Variants in CLVS2 observed in about 807,000 individuals in gnomAD.
CLVS2 encodes clavesin-2.
In CLVS2, 19 loss-of-function variants were observed where a neutral mutation model predicts 29.0. The ratio of observed to expected loss-of-function variants is 0.66; its 90% CI spans 0.46 to 0.96. The LOEUF (loss-of-function observed/expected upper bound fraction) is 0.96. Ranked by LOEUF, CLVS2 falls within the 40% of genes least tolerant of loss-of-function variation. The pLI is 0.00. For synonymous variants in CLVS2, 161 were observed against 151.3 expected, an observed-to-expected ratio of 1.06 and a Z score of -0.47; for missense variants, 294 against 404.1, an observed-to-expected ratio of 0.73 and a Z score of 2.34.
intron 3 of CLVS2, among the ~76,000 whole-genome samples, chr6:123,037,279 C>T (rs960568246): frequency 1.3e-5 from 2 of 152,104 alleles, no homozygotes; most frequent in Non-Finnish European, 2.9e-5. Context: ...CTCCCACATC[C>T]CCTCTGTATA....
At chr6:123,019,719 C>A (rs1016021140) in intron 3 of CLVS2, among the ~76,000 whole-genome samples, 2 of 151,988 alleles carry the variant, frequency 1.3e-5, no homozygotes, top group African/African-American at 4.8e-5. Flanking sequence ...AGAAATAGAA[C>A]AAATATATAA....
At chr6:123,041,887 T>C (rs1273885420) in intron 3 of CLVS2, among the ~76,000 whole-genome samples, 4 of 152,158 alleles carry the variant, frequency 2.6e-5, no homozygotes, top group African/African-American at 9.7e-5. Context: ...TACATTCTAG[T>C]GCATATTTGG....
At chr6:123,061,565 T>A (rs1051560750) in intron 5 of CLVS2, among the ~76,000 whole-genome samples, 3 of 152,252 alleles carry the variant, frequency 2.0e-5, no homozygotes, top group African/African-American at 7.2e-5. Context: ...GTTTCACATA[T>A]GGAATCAGCA....
At chr6:123,009,180 C>T (rs1424083914) in intron 2 of CLVS2, among the ~76,000 whole-genome samples, 1 of 151,872 alleles carries the variant, frequency 6.6e-6, no homozygotes, top group Non-Finnish European at 1.5e-5. Context: ...CTGGTGCTGC[C>T]CTCAGTCCTC....
chr6:123,036,680 C>T (rs1427648643), intron 3 of CLVS2, among the ~76,000 whole-genome samples: 2 of 152,198 alleles, frequency 1.3e-5, no homozygotes, highest in Non-Finnish European at 1.5e-5. Context: ...AGTTCCTCAT[C>T]AGCACTTTCA....
chr6:123,006,775 A>G (rs1009331226), intron 2 of CLVS2, among the ~76,000 whole-genome samples: 2 of 152,202 alleles, frequency 1.3e-5, no homozygotes. Flanking sequence ...AGGATGTTGC[A>G]CAGGACTGAC....
intron 5 of CLVS2, among the ~76,000 whole-genome samples, chr6:123,057,640 G>T (rs1212464398): frequency 6.6e-6 from 1 of 152,018 alleles, no homozygotes; most frequent in African/African-American, 2.4e-5. Flanking sequence ...ATTGCGCCTG[G>T]CCAGGATGGT....
intron 3 of CLVS2, among the ~76,000 whole-genome samples, chr6:123,044,604 A>G (rs1772450252): frequency 6.6e-6 from 1 of 152,128 alleles, no homozygotes; most frequent in Non-Finnish European, 1.5e-5. Context: ...CTGAATCTAC[A>G]TAGTAGGTGT....
At chr6:123,011,275 A>G in intron 3 of CLVS2, 116 bp downstream of exon 3, 1 of 699,438 alleles carries the variant, frequency 1.4e-6, no homozygotes, top group Non-Finnish European at 2.2e-6. Flanking sequence ...AAAAATCTGT[A>G]GTTTTTGAGC....
At chr6:123,050,132 T>TAAAC (rs996655625) in intron 4 of CLVS2, among the ~76,000 whole-genome samples, 3 of 152,204 alleles carry the variant, frequency 2.0e-5, no homozygotes, top group Non-Finnish European at 4.4e-5. Context: ...AAGAATTCTA[T>TAAAC]AAACAATTAT....
Position 123,031,709 on chromosome 6 carries a change from C to T in CLVS2, c.565-16913C>T, listed in dbSNP as rs118033733. Among the ~76,000 whole-genome samples the T allele has an allele frequency of 2.2e-3, 330 of 152,012 alleles. 3 individuals are homozygous for T. Among genetic ancestry groups the T allele is most frequent in the South Asian group, 0.011 (51 of 4,806 alleles). On this transcript the variant is annotated intron_variant, in intron 3 of 5. Transcript: ENST00000275162. ...AAGAATACAATGATCTTTTAAGTGG[C>T]TGTTTCCAGAAGATTGTCAGGGAGT...
chr6:123,039,203 C>T (rs1396931755), intron 3 of CLVS2, among the ~76,000 whole-genome samples: 1 of 152,102 alleles, frequency 6.6e-6, no homozygotes, highest in Non-Finnish European at 1.5e-5. Flanking sequence ...ATTTTAGATA[C>T]GAGAACATCA....
At chr6:123,010,798 A>G (rs999868548) in intron 2 of CLVS2, among the ~76,000 whole-genome samples, 187 bp from the exon 3 acceptor site, 1 of 152,060 alleles carries the variant, frequency 6.6e-6, no homozygotes, top group African/African-American at 2.4e-5. Flanking sequence ...AATACATGTT[A>G]AATTCGATTA....
intron 3 of CLVS2, among the ~76,000 whole-genome samples, chr6:123,025,145 G>A (rs922672304): frequency 2.0e-5 from 3 of 152,078 alleles, no homozygotes; most frequent in African/African-American, 7.2e-5. Context: ...AACTAAACAC[G>A]AGAATAAGGG....
At chr6:123,040,478 C>A (rs1477219940) in intron 3 of CLVS2, among the ~76,000 whole-genome samples, 2 of 152,140 alleles carry the variant, frequency 1.3e-5, no homozygotes, top group African/African-American at 4.8e-5. Context: ...TTGTGTTCTC[C>A]CCGCCATGGA....
Position 122,998,119 on chromosome 6 carries a change from T to C in CLVS2, c.342T>C (p.Tyr114=), listed in dbSNP as rs1774539010. ...GGGGCCTGGCCAATCTGGACCACTA[T>C]GGCAGGAAGATTCTAGTCCTTTTTG... ...FPGGLANLDH[Y]GRKILVLFAA... is the part of the protein sequence containing the mutation. Residue 114 remains tyrosine (Y), a synonymous_variant, in exon 2 of 6, where the codon TAT becomes TAC. Coordinates refer to ENST00000275162, the MANE Select transcript of CLVS2 (RefSeq NM_001010852.4). 3 of 1,613,836 alleles carry C rather than the reference T, an allele frequency of 1.9e-6. No homozygotes were observed. The highest frequency in any genetic ancestry group is 2.5e-6 in the Non-Finnish European group (3 of 1,180,042).
rs759563119 is a variant in CLVS2, at chr6:123,055,910, A to G, written c.780A>G (p.Thr260=). 3.7e-6 allele frequency: 6 copies of G among 1,613,900 alleles called. No individual in the cohort carries two copies. The Admixed American group carries it at 6.7e-5, about 18-fold the overall frequency. The part of the protein sequence containing the change: ...GGMLPPYDMG[T]WARTLLDHEY... ...TGCTGCCTCCTTATGACATGGGGAC[A>G]TGGGCAAGAACACTGCTAGACCATG... Residue 260 remains threonine (T), a synonymous_variant, in exon 5 of 6, where the codon ACA becomes ACG. Coordinates refer to ENST00000275162, the MANE Select transcript of CLVS2 (RefSeq NM_001010852.4).
At chr6:123,013,324 T>C (rs2114310565) in intron 3 of CLVS2, among the ~76,000 whole-genome samples, 1 of 152,128 alleles carries the variant, frequency 6.6e-6, no homozygotes, top group African/African-American at 2.4e-5. Flanking sequence ...GCCACCACCA[T>C]GCCAAGACCA....
At chr6:123,033,106 G>T (rs1449688989) in intron 3 of CLVS2, among the ~76,000 whole-genome samples, 1 of 151,854 alleles carries the variant, frequency 6.6e-6, no homozygotes, top group Admixed American at 6.6e-5. Flanking sequence ...TGGTTTAAAG[G>T]AAACATTTCA....
Sources: gnomAD v4.1 joint callset for allele counts (sites outside exome capture counted in the v4.1 genomes callset) on GRCh38, gnomAD v4.1.1 for gene constraint, MANE v1.5 for transcripts, NCBI Gene and HGNC (gene_info 2026-07-23, HGNC 2026-07-21) for gene names.